Variants in EXOC4 observed in about 807,000 individuals in gnomAD.
EXOC4 encodes exocyst complex component 4.
EXOC4 carries 71 observed loss-of-function variants against 107.2 expected under a neutral mutation model. The ratio of observed to expected loss-of-function variants is 0.66; its 90% CI spans 0.55 to 0.81. The LOEUF is 0.81. Among genes scored for constraint, EXOC4 ranks in the 30% least tolerant of loss-of-function variants. The pLI, the probability that EXOC4 is intolerant of heterozygous loss-of-function variation, is 0.00. For synonymous variants in EXOC4, 456 were observed against 441.2 expected (o/e 1.03, Z -0.42); for missense variants, 1,108 against 1,189.6 (o/e 0.93, Z 1.01).
chr7:133,290,770 ACTT>A (rs1163564564), intron 3 of EXOC4: 2 of 152,188 alleles, frequency 1.3e-5, no homozygotes, highest in Non-Finnish European at 2.9e-5. Context: ...TCATTAAATA[ACTT>A]CTTTAAATTC....
At chr7:133,319,298 T>C (rs1584807144) in intron 5 of EXOC4, among the ~76,000 whole-genome samples, 1 of 152,240 alleles carries the variant, frequency 6.6e-6, no homozygotes, top group South Asian at 2.1e-4. Context: ...ATTCTTACTA[T>C]GATAGGCCTT....
At position 133,563,933 on chromosome 7, in the gene EXOC4, A is replaced by G. The variant is rs1682291562; in HGVS notation, c.1418-66112A>G. Among the ~76,000 whole-genome samples, 3 of 152,252 alleles carry G rather than the reference A, an allele frequency of 2.0e-5. 1 individual carries two copies. In the South Asian group the frequency reaches 6.2e-4, roughly 32 times the overall value. ...TTGCTGCTGAGTTACTCTTTTGGGCATAATTCTGCAGAGTGGAAGTCTTTA... is the reference window on the plus strand; with the variant it reads ...TTGCTGCTGAGTTACTCTTTTGGGCGTAATTCTGCAGAGTGGAAGTCTTTA... On this transcript the variant is annotated intron_variant, in intron 9 of 17. Coordinates refer to ENST00000253861, the MANE Select transcript of EXOC4 (RefSeq NM_021807.4).
intron 7 of EXOC4, among the ~76,000 whole-genome samples, chr7:133,474,390 A>G (rs913058074): frequency 6.6e-6 from 1 of 151,874 alleles, no homozygotes; most frequent in Non-Finnish European, 1.5e-5. Context: ...ATCTCGGCTC[A>G]CTGCAACCTC....
At chr7:133,843,376 T>A (rs933047066) in intron 11 of EXOC4, among the ~76,000 whole-genome samples, 5 of 152,218 alleles carry the variant, frequency 3.3e-5, no homozygotes, top group Non-Finnish European at 7.3e-5. Context: ...ATCGTAGAGA[T>A]CCTTTACCTC....
At chr7:133,630,212 C>T in intron 10 of EXOC4, 71 bp downstream of exon 10, 1 of 1,208,088 alleles carries the variant, frequency 8.3e-7, no homozygotes, top group Admixed American at 1.8e-5. Flanking sequence ...TACTGAATGC[C>T]AGTTGTTGAG....
intron 10 of EXOC4, among the ~76,000 whole-genome samples, chr7:133,689,274 A>C (rs2151075699): frequency 6.6e-6 from 1 of 152,320 alleles, no homozygotes; most frequent in South Asian, 2.1e-4. Context: ...GCCTAATTGA[A>C]CAAACCAGCC....
intron 11 of EXOC4, among the ~76,000 whole-genome samples, chr7:133,875,057 G>A (rs746965047): frequency 1.3e-5 from 2 of 152,204 alleles, no homozygotes; most frequent in East Asian, 3.8e-4. Context: ...TGTGGAATGC[G>A]AATCTGAGAT....
At chr7:133,537,054 G>A (rs77766420) in intron 9 of EXOC4, among the ~76,000 whole-genome samples, 5,137 of 152,234 alleles carry the variant, frequency 0.034, 157 homozygotes, top group Non-Finnish European at 0.051. Context: ...AGGACAACTG[G>A]CATTGTCTGC....
chr7:133,617,054 A>T (rs1802210016), intron 9 of EXOC4, among the ~76,000 whole-genome samples: 1 of 152,154 alleles, frequency 6.6e-6, no homozygotes. Flanking sequence ...TAGACAGAGA[A>T]CTTTGTTTTC....
intron 17 of EXOC4, among the ~76,000 whole-genome samples, chr7:134,063,901 G>A (rs973261231): frequency 1.3e-5 from 2 of 152,120 alleles, no homozygotes; most frequent in East Asian, 3.9e-4. Context: ...AACCTCCAAT[G>A]AATAATGAAT....
intron 10 of EXOC4, among the ~76,000 whole-genome samples, chr7:133,754,110 C>A (rs1190664114): frequency 2.0e-5 from 3 of 152,046 alleles, no homozygotes; most frequent in Admixed American, 6.6e-5. Context: ...AATGATGGGT[C>A]CTTGAAATCA....
chr7:133,383,904 C>T (rs1455094430), intron 7 of EXOC4, among the ~76,000 whole-genome samples: 1 of 152,148 alleles, frequency 6.6e-6, no homozygotes, highest in Non-Finnish European at 1.5e-5. Flanking sequence ...AAAGTGCTTG[C>T]TCCTAGAATG....
chr7:133,608,038 A>G (rs1801989077), intron 9 of EXOC4, among the ~76,000 whole-genome samples: 1 of 152,136 alleles, frequency 6.6e-6, no homozygotes, highest in Non-Finnish European at 1.5e-5. Flanking sequence ...TTTGTTTTGA[A>G]ATCCGGCATT....
At chr7:133,761,664 G>A (rs1175609283) in intron 10 of EXOC4, among the ~76,000 whole-genome samples, 1 of 152,170 alleles carries the variant, frequency 6.6e-6, no homozygotes, top group Non-Finnish European at 1.5e-5. Context: ...CCATCCCACT[G>A]TATTGCCTGG....
chr7:133,688,975 A>G (rs1794364089), intron 10 of EXOC4, among the ~76,000 whole-genome samples: 1 of 152,188 alleles, frequency 6.6e-6, no homozygotes, highest in African/African-American at 2.4e-5. Context: ...TATATGGCCC[A>G]GTCCTCATTC....
intron 7 of EXOC4, among the ~76,000 whole-genome samples, chr7:133,474,378 T>C (rs1487530530): frequency 2.6e-5 from 4 of 152,078 alleles, no homozygotes; most frequent in East Asian, 1.9e-4. Context: ...TGCAGTGGCA[T>C]GATCTCGGCT....
chr7:133,263,374 CTTT>C (rs920302686), intron 1 of EXOC4, among the ~76,000 whole-genome samples: 142 of 83,956 alleles, frequency 1.7e-3, no homozygotes, highest in African/African-American at 6.7e-3. Context: ...AAAAAGCATT[CTTT>C]TTTTTTTTTT....
At chr7:133,822,248 A>G (rs1029683131) in intron 11 of EXOC4, among the ~76,000 whole-genome samples, 6 of 152,236 alleles carry the variant, frequency 3.9e-5, no homozygotes. Context: ...CTCATGCTTT[A>G]TATATCTCCC....
intron 10 of EXOC4, among the ~76,000 whole-genome samples, chr7:133,753,991 C>T (rs1795847025): frequency 6.6e-6 from 1 of 152,172 alleles, no homozygotes; most frequent in Non-Finnish European, 1.5e-5. Context: ...CTCATTTAAT[C>T]TTCACATCTT....
Sources: gnomAD v4.1 joint callset for allele counts (sites outside exome capture counted in the v4.1 genomes callset) on GRCh38, gnomAD v4.1.1 for gene constraint, MANE v1.5 for transcripts, NCBI Gene and HGNC (gene_info 2026-07-23, HGNC 2026-07-21) for gene names.